Variants in FAM83F observed in about 807,000 individuals in gnomAD.
FAM83F encodes scaffolding CK1 anchoring protein F.
FAM83F carries 45 observed loss-of-function variants against 42.9 expected under a neutral mutation model. That is an observed-to-expected ratio of 1.05 (90% CI 0.83 to 1.35). The LOEUF (loss-of-function observed/expected upper bound fraction) is 1.35, where lower values mean the gene tolerates loss of function less well. FAM83F is among the 40% of genes most tolerant of loss of function. FAM83F has a pLI of 0.00. For missense variants in FAM83F, 617 were observed against 695.9 expected (o/e 0.89, Z 1.28); for synonymous variants, 306 against 298.3 (o/e 1.03, Z -0.27).
rs55770640 is a variant in FAM83F at position 40,029,080 on chromosome 22, C to CGTGT, written c.1454-386_1454-383dup. Among the ~76,000 whole-genome samples the CGTGT allele has an allele frequency of 5.2e-3, 675 of 130,590 alleles. 4 individuals are homozygous for CGTGT. The highest frequency in any genetic ancestry group is 8.5e-3 in the East Asian group (37 of 4,350). The allele number at this position is 130,590 out of a possible 152,430, so 85.7% of individuals were successfully genotyped here. A position where few individuals can be genotyped will look rare whatever the true frequency, so the allele number is the denominator to read the frequency against. ...GGTAGTGAGCGGCCTCTTGGCTAGA[C>CGTGT]GTGTGTGTGTGTGTGTGTGTGTGTG... On this transcript the variant is annotated intron_variant, in intron 4 of 4. Coordinates refer to ENST00000333407, the MANE Select transcript of FAM83F (RefSeq NM_138435.4).
chr22:40,023,781 G>C lies in FAM83F; in HGVS notation c.1453+1818G>C, dbSNP rs957130613. On this transcript the variant is annotated intron_variant, in intron 4 of 4. Transcript: ENST00000333407. This position sits in a 1 kb window ranked among gnomAD's most constrained non-coding sequence, Gnocchi z 4.1. ...CCAGGGCACCTGATGCTGGGATAGA[G>C]AGAGAGAGGGAATAGTGAGGGCGAG... is the stretch of plus-strand genomic sequence containing the variant. 1.3e-5 allele frequency among the ~76,000 whole-genome samples: 2 copies of C among 152,134 alleles called. No homozygotes were observed. The highest frequency in any genetic ancestry group is 2.9e-5 in the Non-Finnish European group (2 of 68,008).
intron 1 of FAM83F, chr22:39,997,902 C>T (rs2067379483): frequency 6.6e-6 from 1 of 152,286 alleles, no homozygotes; most frequent in Non-Finnish European, 1.5e-5. Flanking sequence ...CGCACAGCCT[C>T]TTCTTCCCGA....
At chr22:40,026,427 G>A (rs1339239369) in intron 4 of FAM83F, among the ~76,000 whole-genome samples, 1 of 152,174 alleles carries the variant, frequency 6.6e-6, no homozygotes. Flanking sequence ...GGCTGAAACA[G>A]GAGAATCTCT....
At chr22:40,014,177 T>A (rs1342904235) in intron 1 of FAM83F, among the ~76,000 whole-genome samples, 3 of 134,448 alleles carry the variant, frequency 2.2e-5, no homozygotes, top group Non-Finnish European at 4.6e-5. Context: ...GGACCTCCAA[T>A]ACTATGTTGA....
rs2067368375 is a variant in FAM83F, at chr22:39,995,317, A to AGGCCAG, written c.279_280insAGGGCC (p.Ala93_Pro94insArgAla). ...CGGGGCAAGAGCAAGGCCAAGGCCA[A>AGGCCAG]GGCCCCCGCGCCGGCGCCGGCTGAG... On this transcript the variant is annotated inframe_insertion, in exon 1 of 5. Coordinates refer to ENST00000333407, the MANE Select transcript of FAM83F (RefSeq NM_138435.4). The surrounding 1 kb of genome is among the most constrained non-coding windows in gnomAD (Gnocchi z 4.6). The AGGCCAG allele has an allele frequency of 6.5e-7, 1 of 1,538,292 alleles. No homozygotes were observed.
rs1013052659 is a variant in FAM83F at position 40,038,834 on chromosome 22, T to C, written c.*9269T>C. 6.6e-6 allele frequency: 1 copy of C among 152,260 alleles called. No individual in the cohort carries two copies. Among genetic ancestry groups the C allele is most frequent in the East Asian group, 1.9e-4 (1 of 5,202 alleles). 9.4% of individuals were successfully genotyped at this position (152,260 alleles called of 1,614,324 possible). ...CAGGAACCAGCCTTCCCTATGCACC[T>C]GCACCCGTGAGTCTCACAACAGCCC... On this transcript the variant is annotated 3_prime_UTR_variant, in exon 5 of 5. Transcript: ENST00000333407.
At chr22:40,006,133 G>C (rs978432602) in intron 1 of FAM83F, among the ~76,000 whole-genome samples, 1 of 152,090 alleles carries the variant, frequency 6.6e-6, no homozygotes, top group South Asian at 2.1e-4. Context: ...CCAGCTACTC[G>C]GGAGGCTGGG....
intron 4 of FAM83F, among the ~76,000 whole-genome samples, chr22:40,027,592 C>T (rs9611251): frequency 3.9e-5 from 6 of 152,226 alleles, no homozygotes; most frequent in Admixed American, 2.0e-4. Context: ...ACTCCCCACA[C>T]GTGGTCAGCT....
At chr22:40,018,407 C>T (rs1219979438) in intron 1 of FAM83F, among the ~76,000 whole-genome samples, 1 of 152,132 alleles carries the variant, frequency 6.6e-6, no homozygotes. Flanking sequence ...TTTCCTCAGG[C>T]CCCTAGATCT....
At chr22:40,005,296 T>C (rs1171712686) in intron 1 of FAM83F, among the ~76,000 whole-genome samples, 1 of 152,268 alleles carries the variant, frequency 6.6e-6, no homozygotes, top group African/African-American at 2.4e-5. Flanking sequence ...AAAAATCGCT[T>C]GTGTATCTTC....
At chr22:39,997,166 C>G (rs2067376569) in intron 1 of FAM83F, among the ~76,000 whole-genome samples, 1 of 152,210 alleles carries the variant, frequency 6.6e-6, no homozygotes, top group African/African-American at 2.4e-5. Flanking sequence ...CTCCAAAGCC[C>G]TTGCTCTTAA....
chr22:40,019,397 G>A (rs537249841), intron 2 of FAM83F, 62 bp downstream of exon 2: 69 of 1,494,368 alleles, frequency 4.6e-5, no homozygotes, highest in African/African-American at 2.8e-4. Context: ...CCTCTGCCCC[G>A]TCCTGCAGCT....
rs918491307 is a variant in FAM83F at position 39,995,141 on chromosome 22, C to A, written c.99C>A (p.Ala33=). ...TCTACTACTGCGAGCGGCGGCGGGC[C>A]GCGCTGGAGGCGCTGCTGGGCGGCG... ...AAFYYCERRR[A]ALEALLGGGE... is the part of the protein sequence containing the mutation. The change falls in exon 1 of 5, where the codon GCC becomes GCA. Residue 33 remains alanine (A), a synonymous_variant. Coordinates refer to ENST00000333407, the MANE Select transcript of FAM83F (RefSeq NM_138435.4). The surrounding 1 kb of genome is among the most constrained non-coding windows in gnomAD (Gnocchi z 4.6). 2.0e-5 allele frequency: 27 copies of A among 1,374,920 alleles called. No individual in the cohort carries two copies. The African/African-American group carries it at 3.8e-4, about 20-fold the overall frequency. 85.2% of individuals were successfully genotyped at this position (1,374,920 alleles called of 1,614,324 possible).
chr22:40,011,951 C>G (rs758122051), intron 1 of FAM83F, among the ~76,000 whole-genome samples: 1 of 152,184 alleles, frequency 6.6e-6, no homozygotes, highest in Admixed American at 6.5e-5. Context: ...GCCTGTTGCT[C>G]TACAGAATAG....
At chr22:40,002,849 T>A (rs1318910119) in intron 1 of FAM83F, among the ~76,000 whole-genome samples, 1 of 152,192 alleles carries the variant, frequency 6.6e-6, no homozygotes, top group Non-Finnish European at 1.5e-5. Flanking sequence ...ACAGGATCGG[T>A]GCCCTGTGTG....
At chr22:40,020,268 G>A (rs2067512513) in intron 3 of FAM83F, among the ~76,000 whole-genome samples, 1 of 152,054 alleles carries the variant, frequency 6.6e-6, no homozygotes. Context: ...GCATTTTGAG[G>A]CTAGTCATTA....
Position 40,003,165 on chromosome 22 carries a change from A to G in FAM83F, c.489+7634A>G, listed in dbSNP as rs192825140. ...ACTGCCAGCTGGTCCACTCTGTGCT[A>G]AGGCTGGGGAAGAGGGTTCCTCCTG... is the stretch of plus-strand genomic sequence containing the variant. On this transcript the variant is annotated intron_variant, in intron 1 of 4. Transcript: ENST00000333407. Among the ~76,000 whole-genome samples the G allele has an allele frequency of 1.9e-4, 29 of 152,286 alleles. No individual in the cohort carries two copies. The East Asian group carries it at 5.4e-3, about 28-fold the overall frequency.
At position 40,020,020 on chromosome 22, in the gene FAM83F, C is replaced by T. The variant is rs754949771; in HGVS notation, c.779+12C>T. On this transcript the variant is annotated intron_variant, in intron 3 of 4. Coordinates refer to ENST00000333407, the MANE Select transcript of FAM83F (RefSeq NM_138435.4). ...ACTGGATCTTACAGGTGAGTTGGGC[C>T]GGATCAAAGAAGGGCCCAGGAGGCC... 1.2e-5 allele frequency: 20 copies of T among 1,606,920 alleles called. No individual in the cohort carries two copies. The highest frequency in any genetic ancestry group is 8.9e-5 in the South Asian group (8 of 90,062).
chr22:40,003,812 C>A (rs1269535762), intron 1 of FAM83F, among the ~76,000 whole-genome samples: 1 of 152,172 alleles, frequency 6.6e-6, no homozygotes, highest in Non-Finnish European at 1.5e-5. Flanking sequence ...CATATGCACG[C>A]CGGGGCACAG....
Sources: allele counts gnomAD v4.1 joint callset (sites outside exome capture counted in the v4.1 genomes callset), GRCh38; gene constraint gnomAD v4.1.1; non-coding constraint Gnocchi (gnomAD v3.1); transcripts MANE v1.5; gene names NCBI Gene and HGNC (gene_info 2026-07-23, HGNC 2026-07-21).